The following BLM variants were observed in gnomAD, a reference collection of about 807,000 sequenced individuals.
BLM encodes BLM RecQ like helicase, also known as recQ-like DNA helicase BLM.
BLM carries 95 observed loss-of-function variants against 135.3 expected under a neutral mutation model. The ratio of observed to expected loss-of-function variants is 0.70; its 90% CI spans 0.59 to 0.83. The LOEUF (loss-of-function observed/expected upper bound fraction) is 0.83. BLM is among the 40% of genes least tolerant of loss of function. The pLI, the probability that BLM is intolerant of heterozygous loss-of-function variation, is 0.00. For missense variants in BLM, 1,518 were observed against 1,663.9 expected, an observed-to-expected ratio of 0.91 and a Z score of 1.53; for synonymous variants, 520 against 589.2, an observed-to-expected ratio of 0.88 and a Z score of 1.70.
At chr15:90,729,264 C>T (rs1420245956) in intron 1 of BLM, among the ~76,000 whole-genome samples, 1 of 152,156 alleles carries the variant, frequency 6.6e-6, no homozygotes, top group African/African-American at 2.4e-5. Context: ...TTGCCGAGAT[C>T]GCGCCACTGT....
intron 1 of BLM, among the ~76,000 whole-genome samples, chr15:90,731,395 G>A (rs916936914): frequency 4.6e-5 from 7 of 152,172 alleles, no homozygotes; most frequent in Non-Finnish European, 8.8e-5. Flanking sequence ...CTCACAGAAT[G>A]AGCTGGGGAG....
intron 12 of BLM, among the ~76,000 whole-genome samples, chr15:90,781,201 A>G (rs1332188282): frequency 6.6e-6 from 1 of 152,188 alleles, no homozygotes; most frequent in Non-Finnish European, 1.5e-5. Flanking sequence ...AAATAAAGTG[A>G]CTGTAATCAG....
chr15:90,747,491 G>T lies in BLM; in HGVS notation c.98+1G>T, dbSNP rs750293380. ...TAAGTCTTTCAAAACCAAAATTTTC[G>T]TAAGTGTTTTGACTGGTTTGCTGTC... On this transcript the variant is annotated splice_donor_variant, in intron 2 of 21. Transcript: ENST00000355112. LOFTEE classifies it high-confidence loss of function. 5.7e-6 allele frequency: 9 copies of T among 1,591,962 alleles called. No homozygotes were observed. The highest frequency in any genetic ancestry group is 5.1e-5 in the Admixed American group (3 of 59,176).
chr15:90,756,082 C>G (rs1895810069), intron 5 of BLM, among the ~76,000 whole-genome samples: 1 of 151,696 alleles, frequency 6.6e-6, no homozygotes, highest in Non-Finnish European at 1.5e-5. Flanking sequence ...TCACCATAAA[C>G]TACCTCAAAC....
At chr15:90,791,662 C>T (rs376004403) in intron 15 of BLM, among the ~76,000 whole-genome samples, 13 of 151,298 alleles carry the variant, frequency 8.6e-5, no homozygotes, top group Non-Finnish European at 1.8e-4. Flanking sequence ...TTTTCAAGAC[C>T]GAGTCTCACT....
At position 90,782,376 on chromosome 15, in the gene BLM, A is replaced by G. The variant is rs892713272; in HGVS notation, c.2556-446A>G. Among the ~76,000 whole-genome samples the G allele has an allele frequency of 2.0e-5, 3 of 152,162 alleles. No homozygotes were observed. In the East Asian group the frequency reaches 5.8e-4, roughly 29 times the overall value. ...GCACTCCAGCCTGGGCGACAGAGTG[A>G]GACTCTGTCTCAAAAAAAAACAAAA... On this transcript the variant is annotated intron_variant, in intron 12 of 21. Transcript: ENST00000355112.
intron 1 of BLM, among the ~76,000 whole-genome samples, chr15:90,729,292 A>G (rs570637856): frequency 1.2e-4 from 19 of 152,318 alleles, no homozygotes; most frequent in African/African-American, 4.6e-4. Context: ...CCTGGGCAAC[A>G]AGAGAGAAAC....
At chr15:90,807,350 T>C (rs566065259) in intron 19 of BLM, among the ~76,000 whole-genome samples, 97 of 152,326 alleles carry the variant, frequency 6.4e-4, no homozygotes, top group African/African-American at 1.7e-3. Context: ...AACTATGGAA[T>C]TGGGGGCCTG....
intron 12 of BLM, among the ~76,000 whole-genome samples, chr15:90,778,520 C>T (rs572959801): frequency 5.3e-5 from 8 of 152,324 alleles, no homozygotes; most frequent in Admixed American, 2.0e-4. Flanking sequence ...GTTCAATCTC[C>T]TTTTCCCCTC....
intron 1 of BLM, among the ~76,000 whole-genome samples, chr15:90,719,927 G>A (rs948680340): frequency 2.0e-5 from 3 of 152,082 alleles, no homozygotes; most frequent in South Asian, 2.1e-4. Context: ...ATTCTGTATC[G>A]CTAACACATA....
chr15:90,755,141 C>T (rs947649730), intron 5 of BLM: 8 of 599,694 alleles, frequency 1.3e-5, no homozygotes, highest in African/African-American at 3.7e-5. Context: ...CTCACAAGGG[C>T]GTTCATTCCC....
intron 5 of BLM, among the ~76,000 whole-genome samples, chr15:90,758,533 A>G (rs1353992255): frequency 6.6e-6 from 1 of 152,094 alleles, no homozygotes; most frequent in African/African-American, 2.4e-5. Flanking sequence ...AATTCTATTT[A>G]TTAGTTATGG....
intron 5 of BLM, among the ~76,000 whole-genome samples, chr15:90,757,295 C>T (rs2151154585): frequency 6.6e-6 from 1 of 152,278 alleles, no homozygotes; most frequent in Non-Finnish European, 1.5e-5. Context: ...AGATGCCTCA[C>T]ACACGTGTCA....
chr15:90,787,811 G>C (rs1011041661), intron 14 of BLM, among the ~76,000 whole-genome samples: 1 of 152,070 alleles, frequency 6.6e-6, no homozygotes, highest in Non-Finnish European at 1.5e-5. Context: ...TTAGCCGGAC[G>C]TGGTGATGGG....
At position 90,815,684 on chromosome 15, in the gene BLM, A is replaced by G. The variant is rs1341388545; in HGVS notation, c.*405A>G. The G allele has an allele frequency of 3.7e-6, 1 of 270,078 alleles. No individual in the cohort carries two copies. Among genetic ancestry groups the G allele is most frequent in the African/African-American group, 2.3e-5 (1 of 43,560 alleles). The allele number at this position is 270,078 out of a possible 1,614,324, so 16.7% of individuals were successfully genotyped here. ...GAAAAGAGGAGAAAATATATTACAAAGGATTAGTATCCATCATACCAAATA... is the reference window on the plus strand; with the variant it reads ...GAAAAGAGGAGAAAATATATTACAAGGGATTAGTATCCATCATACCAAATA... On this transcript the variant is annotated 3_prime_UTR_variant, in exon 22 of 22. Coordinates refer to ENST00000355112, the MANE Select transcript of BLM (RefSeq NM_000057.4). The surrounding 1 kb of genome is among the most constrained non-coding windows in gnomAD (Gnocchi z 4.6).
chr15:90,788,684 A>G (rs1043933567), intron 14 of BLM, among the ~76,000 whole-genome samples: 5 of 152,044 alleles, frequency 3.3e-5, no homozygotes, highest in African/African-American at 1.2e-4. Flanking sequence ...AAAAGTTTGC[A>G]TGAAAGGGCC....
intron 10 of BLM, 144 bp from the exon 11 acceptor site, chr15:90,768,989 G>A: frequency 2.6e-6 from 2 of 756,562 alleles, no homozygotes; most frequent in Non-Finnish European, 4.7e-6. Context: ...GCTTCCCAAA[G>A]TGCTGGGATT....
At chr15:90,802,508 G>C (rs1242333659) in intron 17 of BLM, among the ~76,000 whole-genome samples, 1 of 152,152 alleles carries the variant, frequency 6.6e-6, no homozygotes, top group African/African-American at 2.4e-5. Context: ...CATCTTATAG[G>C]GTGTTGTGCT....
intron 1 of BLM, among the ~76,000 whole-genome samples, chr15:90,717,909 T>C (rs1021659930): frequency 6.6e-6 from 1 of 152,244 alleles, no homozygotes; most frequent in South Asian, 2.1e-4. Context: ...CCTGGCACCC[T>C]TGATCTTACA....
Sources: allele counts gnomAD v4.1 joint callset (sites outside exome capture counted in the v4.1 genomes callset), GRCh38; gene constraint gnomAD v4.1.1; non-coding constraint Gnocchi (gnomAD v3.1); transcripts MANE v1.5; gene names NCBI Gene and HGNC (gene_info 2026-07-23, HGNC 2026-07-21).